The following RIPK4 variants were observed in gnomAD, a reference collection of about 807,000 sequenced individuals.
The protein encoded by RIPK4 is receptor-interacting serine/threonine-protein kinase 4.
In RIPK4, 17 loss-of-function variants were observed where a neutral mutation model predicts 42.9. That is an observed-to-expected ratio of 0.40 (90% CI 0.27 to 0.59). The LOEUF (loss-of-function observed/expected upper bound fraction) is 0.59, where lower values mean the gene tolerates loss of function less well. Ranked by LOEUF, RIPK4 falls within the 20% of genes least tolerant of loss-of-function variation. RIPK4 has a pLI of 0.47. For synonymous variants in RIPK4, 498 were observed against 499.1 expected, an observed-to-expected ratio of 1.00 and a Z score of 0.03; for missense variants, 897 against 1,104.4, an observed-to-expected ratio of 0.81 and a Z score of 2.66.
In RIPK4 at chr21:41,766,822, GGCCCCAGCCGCCCCAGCGCCCC is replaced by G. The variant is rs780961852; in HGVS notation, c.182+16_182+37del. 3 of 1,581,138 alleles carry G rather than the reference GGCCCCAGCCGCCCCAGCGCCCC, an allele frequency of 1.9e-6. No individual in the cohort carries two copies. The East Asian group carries it at 7.0e-5, about 37-fold the overall frequency. On this transcript the variant is annotated intron_variant, in intron 1 of 7. Coordinates refer to ENST00000332512, the MANE Select transcript of RIPK4 (RefSeq NM_020639.3). ...GCACCCCGACCCCGACCCCAGCCCG[GGCCCCAGCCGCCCCAGCGCCCC>G]GCCCGGGCCGCTCACCTGTCGTCGA... is the stretch of plus-strand genomic sequence containing the variant.
Position 41,756,680 on chromosome 21 carries a change from G to T in RIPK4, c.319C>A (p.Leu107Met). 1 of 1,614,224 alleles carries T rather than the reference G, an allele frequency of 6.2e-7. No individual in the cohort carries two copies. Among genetic ancestry groups the T allele is most frequent in the Middle Eastern group, 1.6e-4 (1 of 6,062 alleles). The change falls in exon 2 of 8, where the codon CTG becomes ATG. Residue 107 changes from leucine (L) to methionine (M), a missense_variant. Coordinates refer to ENST00000332512, the MANE Select transcript of RIPK4 (RefSeq NM_020639.3). The stretch of plus-strand genomic sequence containing the variant: ...CATGGCAATGGCTCCGAAGCCAGCA[G>T]CTTTTCCAGGGAGCCCGTCTCCATG... Reference protein sequence around the residue: ...EYMETGSLEKLLASEPLPWDL... With the variant: ...EYMETGSLEKMLASEPLPWDL...
chr21:41,741,936 G>A lies in RIPK4; in HGVS notation c.1257C>T (p.Thr419=). 6.2e-7 allele frequency: 1 copy of A among 1,612,144 alleles called. No homozygotes were observed. The highest frequency in any genetic ancestry group is 8.5e-7 in the Non-Finnish European group (1 of 1,178,974). The change falls in exon 8 of 8, where the codon ACC becomes ACT. Residue 419 remains threonine (T), a synonymous_variant. Coordinates refer to ENST00000332512, the MANE Select transcript of RIPK4 (RefSeq NM_020639.3). ...KLVDAIVSGD[T]SKLMKILQPQ... is the part of the protein sequence containing the mutation. ...GCTGCAGGATCTTCATCAGTTTGCT[G>A]GTGTCCCCGGACACGATGGCATCCA...
At chr21:41,761,492 C>T (rs1260106561) in intron 1 of RIPK4, among the ~76,000 whole-genome samples, 1 of 152,200 alleles carries the variant, frequency 6.6e-6, no homozygotes, top group African/African-American at 2.4e-5. Context: ...AGTGTGGCCT[C>T]CCTCCTCCGG....
In RIPK4 at chr21:41,744,102, G is replaced by C. The variant is rs2061163015; in HGVS notation, c.975C>G (p.Thr325=). 2.5e-6 allele frequency: 4 copies of C among 1,606,806 alleles called. No individual in the cohort carries two copies. The highest frequency in any genetic ancestry group is 3.4e-6 in the Non-Finnish European group (4 of 1,176,126). ...PARLKRASAP[T]FDNDYSLSEL... ...CGGAGAGGCTGTAGTCGTTATCGAA[G>C]GTGGGGGCAGAGGCCCGCTTGAGCC... Residue 325 remains threonine (T), a synonymous_variant, in exon 7 of 8, where the codon ACC becomes ACG. Transcript: ENST00000332512.
At chr21:41,756,489 C>G in intron 2 of RIPK4, 36 bp downstream of exon 2, 1 of 1,593,974 alleles carries the variant, frequency 6.3e-7, no homozygotes, top group Non-Finnish European at 8.5e-7. Context: ...CAGGCCCTCC[C>G]TGCCCAGCTC....
rs545076042 is a variant in RIPK4 at position 41,754,499 on chromosome 21, G to A, written c.474+2026C>T. On this transcript the variant is annotated intron_variant, in intron 2 of 7. Transcript: ENST00000332512. Reference sequence around the variant, plus strand: ...TGTCACTTCCTGGCCAGCACCCAGCGTGCCTTCGACAGCAGCCTCCCTGAG... The same window carrying A: ...TGTCACTTCCTGGCCAGCACCCAGCATGCCTTCGACAGCAGCCTCCCTGAG... 2.0e-4 allele frequency among the ~76,000 whole-genome samples: 31 copies of A among 152,274 alleles called. No homozygotes were observed. In the South Asian group the frequency reaches 5.0e-3, roughly 24 times the overall value.
chr21:41,763,482 GGA>G (rs1173599891), intron 1 of RIPK4, among the ~76,000 whole-genome samples: 2 of 152,288 alleles, frequency 1.3e-5, no homozygotes, highest in Middle Eastern at 3.4e-3. Context: ...TTGTGCAAGC[GGA>G]GAAGCAATAA....
rs549883358 is a variant in RIPK4 at position 41,755,123 on chromosome 21, G to A, written c.474+1402C>T. Among the ~76,000 whole-genome samples, 23 of 151,972 alleles carry A rather than the reference G, an allele frequency of 1.5e-4. No homozygotes were observed. Among genetic ancestry groups the A allele is most frequent in the Non-Finnish European group, 1.9e-4 (13 of 67,980 alleles). On this transcript the variant is annotated intron_variant, in intron 2 of 7. Coordinates refer to ENST00000332512, the MANE Select transcript of RIPK4 (RefSeq NM_020639.3). The surrounding 1 kb of genome is among the most constrained non-coding windows in gnomAD (Gnocchi z 4.2). ...AAATGTTGGCGGGAATGGGGGGTCC[G>A]CATGTGAGGCCCAGCCCTGCCCATC...
In RIPK4 at chr21:41,755,241, T is replaced by A. The variant is rs1384261290; in HGVS notation, c.474+1284A>T. Among the ~76,000 whole-genome samples, 1 of 152,172 alleles carries A rather than the reference T, an allele frequency of 6.6e-6. No individual in the cohort carries two copies. The highest frequency in any genetic ancestry group is 1.9e-4 in the East Asian group (1 of 5,198). ...CAAGCCAAGTCATTTGATTTTTGTC[T>A]CCATTATCTCAATTTCCTACTTCAC... On this transcript the variant is annotated intron_variant, in intron 2 of 7. Coordinates refer to ENST00000332512, the MANE Select transcript of RIPK4 (RefSeq NM_020639.3). The surrounding 1 kb of genome is among the most constrained non-coding windows in gnomAD (Gnocchi z 4.2).
At chr21:41,761,500 C>A (rs2061220174) in intron 1 of RIPK4, among the ~76,000 whole-genome samples, 1 of 152,060 alleles carries the variant, frequency 6.6e-6, no homozygotes, top group Non-Finnish European at 1.5e-5. Flanking sequence ...CTCCCTCCTC[C>A]GGACACTCTG....
intron 4 of RIPK4, among the ~76,000 whole-genome samples, chr21:41,747,860 T>C (rs906260103): frequency 4.6e-5 from 7 of 152,180 alleles, no homozygotes; most frequent in Non-Finnish European, 8.8e-5. Context: ...TTGCCTGAGG[T>C]TGCAATTTTT....
In RIPK4 at chr21:41,741,494, C is replaced by A; in HGVS notation, c.1699G>T (p.Gly567Cys). 4 of 1,612,616 alleles carry A rather than the reference C, an allele frequency of 2.5e-6. No individual in the cohort carries two copies. The highest frequency in any genetic ancestry group is 3.4e-6 in the Non-Finnish European group (4 of 1,179,950). ...TGCAGTGGCAGCCAGGCATCCTTGC[C>A]CTGCAGGCTCACGTCCACGCCTCGG... ...LRRGVDVSLQ[G>C]KDAWLPLHYA... The change falls in exon 8 of 8, where the codon GGC (glycine) becomes TGC (cysteine). Residue 567 changes from glycine to cysteine, a missense_variant. Gly to Cys is a radical substitution (Grantham distance 159, BLOSUM62 -3). Transcript: ENST00000332512.
At position 41,741,320 on chromosome 21, in the gene RIPK4, C is replaced by T. The variant is rs149404844; in HGVS notation, c.1873G>A (p.Asp625Asn). 8.8e-5 allele frequency: 141 copies of T among 1,608,844 alleles called. No individual in the cohort carries two copies. In the African/African-American group the frequency reaches 1.4e-3, roughly 16 times the overall value. ...CAGACGTTGACGTCGGAGCACAGGT[C>T]GATGAGGATGCGGGCCACGCGGTAG... ...GHYRVARILIDLCSDVNVCSL... is the reference protein window; with the variant it reads ...GHYRVARILINLCSDVNVCSL... The change falls in exon 8 of 8, where the codon GAC becomes AAC. Residue 625 changes from aspartate (D) to asparagine (N), a missense_variant. By Grantham distance (23) the Asp-to-Asn change is conservative (BLOSUM62 1). Coordinates refer to ENST00000332512, the MANE Select transcript of RIPK4 (RefSeq NM_020639.3).
intron 1 of RIPK4, among the ~76,000 whole-genome samples, chr21:41,765,380 G>C (rs923730707): frequency 1.3e-5 from 2 of 152,218 alleles, no homozygotes; most frequent in Admixed American, 6.5e-5. Flanking sequence ...GCCTGGGCCA[G>C]CATCTCACCT....
chr21:41,755,338 T>C lies in RIPK4; in HGVS notation c.474+1187A>G, dbSNP rs948033826. ...CAACACCTACCTAAGAGACAACTTATAATTACTGCCCGAAGTGAAAAATTG... is the reference window on the plus strand; with the variant it reads ...CAACACCTACCTAAGAGACAACTTACAATTACTGCCCGAAGTGAAAAATTG... On this transcript the variant is annotated intron_variant, in intron 2 of 7. Coordinates refer to ENST00000332512, the MANE Select transcript of RIPK4 (RefSeq NM_020639.3). The surrounding 1 kb of genome is among the most constrained non-coding windows in gnomAD (Gnocchi z 4.2). Among the ~76,000 whole-genome samples, 1 of 152,224 alleles carries C rather than the reference T, an allele frequency of 6.6e-6. No individual in the cohort carries two copies. Among genetic ancestry groups the C allele is most frequent in the Non-Finnish European group, 1.5e-5 (1 of 68,042 alleles).
chr21:41,742,646 ACT>A lies in RIPK4; in HGVS notation c.1196-651_1196-650del, dbSNP rs1320093742. Among the ~76,000 whole-genome samples, 2 of 151,324 alleles carry A rather than the reference ACT, an allele frequency of 1.3e-5. No homozygotes were observed. The highest frequency in any genetic ancestry group is 4.9e-5 in the African/African-American group (2 of 41,118). On this transcript the variant is annotated intron_variant, in intron 7 of 7. Transcript: ENST00000332512. The surrounding 1 kb of genome is among the most constrained non-coding windows in gnomAD (Gnocchi z 5.1). ...TGGAATGCTGAAACCCTGCAACGAG[ACT>A]CTCCTCCGCCCTCATGTGAAACGCG... is the stretch of plus-strand genomic sequence containing the variant.
At position 41,749,178 on chromosome 21, in the gene RIPK4, G is replaced by A; in HGVS notation, c.649C>T (p.Leu217Phe). 1 of 1,613,840 alleles carries A rather than the reference G, an allele frequency of 6.2e-7. No homozygotes were observed. The highest frequency in any genetic ancestry group is 8.5e-7 in the Non-Finnish European group (1 of 1,179,902). The change falls in exon 4 of 8, where the codon CTC becomes TTC. Residue 217 changes from leucine to phenylalanine, a missense_variant. By Grantham distance (22) the Leu-to-Phe change is conservative. Coordinates refer to ENST00000332512, the MANE Select transcript of RIPK4 (RefSeq NM_020639.3). ...YSFAIVIWGV[L>F]TQKKPFADEK... ...CCTGCAAACGGCTTCTTCTGTGTGA[G>A]CACGCCCCAGATGACGATCGCAAAG... is the stretch of plus-strand genomic sequence containing the variant.
intron 5 of RIPK4, 30 bp from the exon 6 acceptor site, chr21:41,745,892 C>A: frequency 6.5e-7 from 1 of 1,529,068 alleles, no homozygotes; most frequent in South Asian, 1.1e-5. Context: ...ACATGTCACT[C>A]GGATGATGAC....
chr21:41,745,635 G>C (rs879023725), intron 6 of RIPK4, 124 bp downstream of exon 6: 2 of 700,200 alleles, frequency 2.9e-6, no homozygotes, highest in Non-Finnish European at 5.0e-6. Flanking sequence ...AGTTGGGTGC[G>C]GGATGGGCTC....
Sources: allele counts gnomAD v4.1 joint callset (sites outside exome capture counted in the v4.1 genomes callset), GRCh38; gene constraint gnomAD v4.1.1; non-coding constraint Gnocchi (gnomAD v3.1); transcripts MANE v1.5; gene names NCBI Gene and HGNC (gene_info 2026-07-23, HGNC 2026-07-21).